The following RBM6 variants were observed in gnomAD, a reference collection of about 807,000 sequenced individuals.
RBM6 encodes RNA binding motif protein 6, also known as RNA-binding protein 6.
RBM6 carries 23 observed loss-of-function variants against 140.4 expected under a neutral mutation model. The ratio of observed to expected loss-of-function variants is 0.16; its 90% confidence interval spans 0.12 to 0.23. The LOEUF (loss-of-function observed/expected upper bound fraction) is 0.23, where lower values mean the gene tolerates loss of function less well. Among genes scored for constraint, RBM6 ranks in the 10% least tolerant of loss-of-function variants. RBM6 has a pLI of 1.00. For missense variants in RBM6, 1,139 were observed against 1,386.7 expected (o/e 0.82, Z 2.84); for synonymous variants, 439 against 475.6 (o/e 0.92, Z 1.00).
intron 5 of RBM6, among the ~76,000 whole-genome samples, chr3:49,983,261 T>A (rs1279716572): frequency 1.3e-5 from 2 of 152,222 alleles, no homozygotes; most frequent in East Asian, 1.9e-4. Context: ...ACGAAGAAAA[T>A]TCCAGAGGGA....
chr3:50,075,422 G>T (rs2090431809), intron 20 of RBM6, 92 bp downstream of exon 20: 1 of 1,515,048 alleles, frequency 6.6e-7, no homozygotes, highest in Non-Finnish European at 9.0e-7. Context: ...TTGCCATTTT[G>T]CTGGGCTTTC....
chr3:49,968,770 CTTTT>C (rs569224640), intron 3 of RBM6, 22 bp downstream of exon 3: 2,012 of 693,648 alleles, frequency 2.9e-3, no homozygotes, highest in South Asian at 0.012. Context: ...GGGTGGATTG[CTTTT>C]TTTTTTTTTT....
In RBM6 at chr3:49,967,269, G is replaced by A. The variant is rs2084553199; in HGVS notation, c.45-201G>A. 2.2e-6 allele frequency: 3 copies of A among 1,359,736 alleles called. No homozygotes were observed. In the East Asian group the frequency reaches 8.0e-5, roughly 36 times the overall value. The allele number at this position is 1,359,736 out of a possible 1,614,324, so 84.2% of individuals were successfully genotyped here. A position where few individuals can be genotyped will look rare whatever the true frequency, so the allele number is the denominator to read the frequency against. ...GTTGACTTTCCTCGTGTTCTGAAATGGGAGCATAAAAGTTTACTCCGCCAC... is the reference window on the plus strand; with the variant it reads ...GTTGACTTTCCTCGTGTTCTGAAATAGGAGCATAAAAGTTTACTCCGCCAC... On this transcript the variant is annotated intron_variant, in intron 2 of 20. Coordinates refer to ENST00000266022, the MANE Select transcript of RBM6 (RefSeq NM_005777.3). The surrounding 1 kb of genome is among the most constrained non-coding windows in gnomAD (Gnocchi z 4.0).
At chr3:50,010,603 G>A (rs1177341811) in intron 6 of RBM6, among the ~76,000 whole-genome samples, 1 of 152,038 alleles carries the variant, frequency 6.6e-6, no homozygotes, top group Non-Finnish European at 1.5e-5. Context: ...TTTAAATGTA[G>A]TATGAAACTT....
At chr3:49,956,892 A>G (rs1053172258) in intron 1 of RBM6, among the ~76,000 whole-genome samples, 3 of 144,194 alleles carry the variant, frequency 2.1e-5, no homozygotes, top group Non-Finnish European at 4.6e-5. Flanking sequence ...CTCGAACTCC[A>G]GACCTCAGGT....
intron 5 of RBM6, among the ~76,000 whole-genome samples, chr3:49,993,375 C>T (rs964913267): frequency 4.6e-5 from 7 of 152,268 alleles, no homozygotes; most frequent in African/African-American, 1.7e-4. Flanking sequence ...GGTCAGGTGG[C>T]TCACTCCTAT....
chr3:50,046,644 GCTTGATAGAGTGGTC>G (rs1559627417), intron 6 of RBM6, among the ~76,000 whole-genome samples: 3 of 151,648 alleles, frequency 2.0e-5, no homozygotes, highest in Admixed American at 6.6e-5. Context: ...CATTGGTGGA[GCTTGATAGAGTGGTC>G]CTTCCCAGAT....
Position 49,972,110 on chromosome 3 carries a change from C to A in RBM6, c.1375C>A (p.Arg459=), listed in dbSNP as rs145005065. ...PSEEKPSRLI[R]LSGVPEDATK... The stretch of plus-strand genomic sequence containing the variant: ...TGAGGAGAAACCCAGCAGGCTTATT[C>A]GATTAAGTGGGGTACCTGAAGATGC... The change falls in exon 4 of 21, where the codon CGA becomes AGA. Residue 459 remains arginine, a synonymous_variant. Coordinates refer to ENST00000266022, the MANE Select transcript of RBM6 (RefSeq NM_005777.3). 1.6e-5 allele frequency: 26 copies of A among 1,613,122 alleles called. No individual in the cohort carries two copies. In the East Asian group the frequency reaches 4.5e-4, roughly 28 times the overall value.
intron 5 of RBM6, among the ~76,000 whole-genome samples, chr3:49,993,930 G>A (rs2085948479): frequency 6.6e-6 from 1 of 152,156 alleles, no homozygotes; most frequent in Non-Finnish European, 1.5e-5. Context: ...CGACAAAGGT[G>A]AAACTCCATC....
Position 49,968,323 on chromosome 3 carries a change from A to T in RBM6, c.898A>T (p.Thr300Ser). 1.2e-6 allele frequency: 2 copies of T among 1,614,192 alleles called. No homozygotes were observed. The highest frequency in any genetic ancestry group is 1.7e-6 in the Non-Finnish European group (2 of 1,180,030). The part of the protein sequence containing the change: ...PNILDYIQPS[T>S]QDREHSGMNV... ...TATTTTGGATTACATTCAGCCCTCT[A>T]CACAAGATAGAGAACATTCTGGTAT... Residue 300 changes from threonine (T) to serine (S), a missense_variant, in exon 3 of 21, where the codon ACA becomes TCA. Thr to Ser is a moderately conservative substitution (Grantham distance 58). Around this residue, in one of 9 missense-constraint regions of RBM6, gnomAD observed 566 missense variants for 612.7 expected, o/e 0.92. Transcript: ENST00000266022.
At chr3:50,039,880 A>G (rs950969168) in intron 6 of RBM6, among the ~76,000 whole-genome samples, 3 of 152,162 alleles carry the variant, frequency 2.0e-5, no homozygotes, top group African/African-American at 7.2e-5. Context: ...GCTTATTTAT[A>G]TATTTTGCCT....
At chr3:50,070,793 CGG>C (rs1220502239) in intron 19 of RBM6, among the ~76,000 whole-genome samples, 1 of 152,196 alleles carries the variant, frequency 6.6e-6, no homozygotes, top group Non-Finnish European at 1.5e-5. Flanking sequence ...TAGCCATGAT[CGG>C]GAACCCTTTC....
chr3:49,968,589 A>C lies in RBM6; in HGVS notation c.1164A>C (p.Glu388Asp), dbSNP rs778880851. The C allele has an allele frequency of 6.2e-6, 10 of 1,614,132 alleles. No individual in the cohort carries two copies. Among genetic ancestry groups the C allele is most frequent in the South Asian group, 1.1e-5 (1 of 91,078 alleles). Reference sequence around the variant, plus strand: ...CAGATGCTGGTCTGTTTAAAGAAGAAGGCGGTCTGGACTTTCTTGGGCGGC... The same window carrying C: ...CAGATGCTGGTCTGTTTAAAGAAGACGGCGGTCTGGACTTTCTTGGGCGGC... ...QSSDAGLFKE[E>D]GGLDFLGRQD... The change falls in exon 3 of 21, where the codon GAA (glutamate) becomes GAC (aspartate). Residue 388 changes from glutamate (E) to aspartate (D), a missense_variant. By Grantham distance (45) the Glu-to-Asp change is conservative (BLOSUM62 2). This residue lies in a region of RBM6 where 566 missense variants were observed against 612.7 expected (regional missense o/e 0.92). Transcript: ENST00000266022.
chr3:49,966,322 G>A (rs958170672), intron 2 of RBM6, among the ~76,000 whole-genome samples: 1 of 152,306 alleles, frequency 6.6e-6, no homozygotes, highest in South Asian at 2.1e-4. Flanking sequence ...TTGTTTTACT[G>A]CTGAATAACA....
At chr3:49,975,817 T>C (rs1364960815) in intron 5 of RBM6, among the ~76,000 whole-genome samples, 1 of 152,176 alleles carries the variant, frequency 6.6e-6, no homozygotes, top group Non-Finnish European at 1.5e-5. Flanking sequence ...AAATTAGTGG[T>C]TTAATTTTCA....
chr3:49,967,400 G>C lies in RBM6; in HGVS notation c.45-70G>C. 2 of 1,535,886 alleles carry C rather than the reference G, an allele frequency of 1.3e-6. No homozygotes were observed. Among genetic ancestry groups the C allele is most frequent in the Non-Finnish European group, 1.7e-6 (2 of 1,143,822 alleles). On this transcript the variant is annotated intron_variant, in intron 2 of 20. Transcript: ENST00000266022. This position sits in a 1 kb window ranked among gnomAD's most constrained non-coding sequence, Gnocchi z 4.0. ...TACAGAAGAATGTGCTGTGATTAGA[G>C]AAGAATATGCTGGTGTGTAGATTTC...
intron 13 of RBM6, 117 bp from the exon 14 acceptor site, chr3:50,061,345 G>A: frequency 1.3e-6 from 2 of 1,584,380 alleles, no homozygotes; most frequent in South Asian, 2.3e-5. Context: ...CCAGAGAGAG[G>A]CATCTGTAGA....
chr3:49,980,311 A>G (rs1419127639), intron 5 of RBM6, among the ~76,000 whole-genome samples: 3 of 151,970 alleles, frequency 2.0e-5, no homozygotes, highest in Non-Finnish European at 4.4e-5. Flanking sequence ...GGCTGAGAGT[A>G]TCTTTATTCT....
chr3:50,035,440 T>C lies in RBM6; in HGVS notation c.1558-12805T>C, dbSNP rs972894457. ...GCTCACACCTGTAATCTCAGCACTT[T>C]GGGAGGCCGAGGTGGGCGGATCACG... is the stretch of plus-strand genomic sequence containing the variant. On this transcript the variant is annotated intron_variant, in intron 6 of 20. Coordinates refer to ENST00000266022, the MANE Select transcript of RBM6 (RefSeq NM_005777.3). Among the ~76,000 whole-genome samples, 10 of 152,158 alleles carry C rather than the reference T, an allele frequency of 6.6e-5. No homozygotes were observed. The South Asian group carries it at 2.1e-3, about 32-fold the overall frequency.
Sources: gnomAD v4.1 joint callset for allele counts (sites outside exome capture counted in the v4.1 genomes callset) on GRCh38, gnomAD v4.1.1 for gene constraint, gnomAD v4.1.1 regional missense constraint, Gnocchi (gnomAD v3.1) non-coding constraint, MANE v1.5 for transcripts, NCBI Gene and HGNC (gene_info 2026-07-23, HGNC 2026-07-21) for gene names.